Variants in CACNA2D1 observed in about 807,000 individuals in gnomAD.
CACNA2D1 encodes voltage-dependent calcium channel subunit alpha-2/delta-1.
Under a neutral mutation model 171.5 loss-of-function variants are expected in CACNA2D1, and 53 were observed. The ratio of observed to expected loss-of-function variants is 0.31; its 90% CI spans 0.25 to 0.39. The LOEUF is 0.39. Ranked by LOEUF, CACNA2D1 falls within the 10% of genes least tolerant of loss-of-function variation. CACNA2D1 has a pLI of 1.00. For missense variants in CACNA2D1, 903 were observed against 1,299.8 expected (o/e 0.69, Z 4.69); for synonymous variants, 442 against 443.1 (o/e 1.00, Z 0.03).
intron 3 of CACNA2D1, among the ~76,000 whole-genome samples, chr7:82,185,477 G>A (rs536204444): frequency 0.34 from 22,606 of 66,332 alleles, 4,821 homozygotes; most frequent in East Asian, 0.48. Flanking sequence ...GAGAGGGGGG[G>A]AGGGGGAGGA....
intron 10 of CACNA2D1, among the ~76,000 whole-genome samples, chr7:82,049,387 T>G (rs1289352800): frequency 6.6e-6 from 1 of 152,138 alleles, no homozygotes; most frequent in Non-Finnish European, 1.5e-5. Context: ...AAGAAACAAA[T>G]GTCTACAAAA....
chr7:82,096,135 T>C (rs1409442951), intron 6 of CACNA2D1, among the ~76,000 whole-genome samples: 2 of 152,230 alleles, frequency 1.3e-5, no homozygotes, highest in Admixed American at 1.3e-4. Flanking sequence ...AGCACGAGAA[T>C]AGGCACACTT....
At chr7:82,171,702 T>A (rs1294711155) in intron 3 of CACNA2D1, among the ~76,000 whole-genome samples, 2 of 152,268 alleles carry the variant, frequency 1.3e-5, no homozygotes, top group Admixed American at 1.3e-4. Flanking sequence ...TAGTGCAGTG[T>A]TGAGTTTATT....
chr7:82,146,323 TGTGC>T (rs1793047524), intron 4 of CACNA2D1, among the ~76,000 whole-genome samples: 1 of 147,538 alleles, frequency 6.8e-6, no homozygotes, highest in South Asian at 2.1e-4. Flanking sequence ...TGTGTGTGTG[TGTGC>T]GTGTGTGTGT....
intron 1 of CACNA2D1, among the ~76,000 whole-genome samples, chr7:82,376,620 T>G (rs1411372029): frequency 6.6e-6 from 1 of 152,192 alleles, no homozygotes; most frequent in African/African-American, 2.4e-5. Context: ...TGTATATAAC[T>G]TTTAAAAATT....
At chr7:82,363,263 T>C (rs1311735245) in intron 1 of CACNA2D1, among the ~76,000 whole-genome samples, 1 of 116,992 alleles carries the variant, frequency 8.5e-6, no homozygotes, top group African/African-American at 3.8e-5. Context: ...TCTTTTTTTT[T>C]TTTTTTTTTT....
At chr7:82,196,699 T>C (rs1372046912) in intron 3 of CACNA2D1, among the ~76,000 whole-genome samples, 1 of 151,948 alleles carries the variant, frequency 6.6e-6, no homozygotes, top group Non-Finnish European at 1.5e-5. Flanking sequence ...AGAAGATTGT[T>C]AGACTTGAAC....
rs540474836 is a variant in CACNA2D1 at position 81,959,866 on chromosome 7, C to A, written c.2967-37G>T. 2.5e-6 allele frequency: 4 copies of A among 1,597,556 alleles called. No homozygotes were observed. In the African/African-American group the frequency reaches 4.0e-5, roughly 16 times the overall value. On this transcript the variant is annotated intron_variant, in intron 36 of 38. Coordinates refer to ENST00000356860, the MANE Select transcript of CACNA2D1 (RefSeq NM_000722.4). The stretch of plus-strand genomic sequence containing the variant: ...ATATGGTATCATAGAAAATGAGTAT[C>A]TTTTCCAAAATAAATGGAAATCTTT...
At chr7:82,285,298 CAT>C (rs1810618231) in intron 3 of CACNA2D1, among the ~76,000 whole-genome samples, 1 of 146,202 alleles carries the variant, frequency 6.8e-6, no homozygotes, top group Non-Finnish European at 1.6e-5. Flanking sequence ...CTCTCATGGT[CAT>C]ATCTTTCCTC....
At chr7:82,122,694 C>T (rs534902016) in intron 5 of CACNA2D1, among the ~76,000 whole-genome samples, 2 of 152,154 alleles carry the variant, frequency 1.3e-5, no homozygotes, top group African/African-American at 4.8e-5. Context: ...ATCTTCTGCT[C>T]AAGGATTGTA....
chr7:82,151,424 A>G lies in CACNA2D1; in HGVS notation c.355-14748T>C, dbSNP rs148490927. Among the ~76,000 whole-genome samples the G allele has an allele frequency of 3.1e-3, 476 of 152,258 alleles. 3 individuals are homozygous for G. Among genetic ancestry groups the G allele is most frequent in the African/African-American group, 0.011 (456 of 41,574 alleles). Reference sequence around the variant, plus strand: ...CTGAATGTCAAATTTAAAAATCTACATTCTTTTCCTTGGTGCAATTCTTAG... The same window carrying G: ...CTGAATGTCAAATTTAAAAATCTACGTTCTTTTCCTTGGTGCAATTCTTAG... On this transcript the variant is annotated intron_variant, in intron 4 of 38. Coordinates refer to ENST00000356860, the MANE Select transcript of CACNA2D1 (RefSeq NM_000722.4).
intron 3 of CACNA2D1, among the ~76,000 whole-genome samples, chr7:82,265,416 CTTTTTTT>C (rs765047961): frequency 5.0e-4 from 39 of 77,298 alleles, no homozygotes; most frequent in African/African-American, 1.2e-3. Context: ...TTTTTCCTTT[CTTTTTTT>C]TTTTTTTTTT....
intron 26 of CACNA2D1, chr7:81,971,028 T>G (rs974667931): frequency 1.1e-4 from 37 of 345,526 alleles, no homozygotes; most frequent in Non-Finnish European, 1.8e-4. Flanking sequence ...AATGTATACA[T>G]AAGGGAAAGC....
chr7:81,983,461 T>A, intron 22 of CACNA2D1, 127 bp from the exon 23 acceptor site: 1 of 747,612 alleles, frequency 1.3e-6, no homozygotes, highest in South Asian at 1.5e-5. Context: ...AGATCAAAGG[T>A]TCATTTATGT....
intron 3 of CACNA2D1, among the ~76,000 whole-genome samples, chr7:82,270,946 A>T (rs1208011162): frequency 6.6e-6 from 1 of 152,074 alleles, no homozygotes; most frequent in African/African-American, 2.4e-5. Context: ...TTAACTACAA[A>T]CTACTTCTTT....
chr7:81,964,049 G>A lies in CACNA2D1; in HGVS notation c.2780+7C>T. The A allele has an allele frequency of 2.5e-6, 4 of 1,609,890 alleles. No homozygotes were observed. Among genetic ancestry groups the A allele is most frequent in the Non-Finnish European group, 3.4e-6 (4 of 1,177,260 alleles). ...TCATTACCAATAAAACTAAAATTTT[G>A]ACTTACCAGGCAGCAGCAGTGGCCC... On this transcript the variant is annotated splice_region_variant and intron_variant, in intron 34 of 38. Transcript: ENST00000356860.
intron 3 of CACNA2D1, among the ~76,000 whole-genome samples, chr7:82,255,831 T>C (rs1487876049): frequency 6.6e-6 from 1 of 152,244 alleles, no homozygotes; most frequent in Admixed American, 6.5e-5. Flanking sequence ...TACAGCTTAC[T>C]ACTTTCATGC....
chr7:81,964,593 T>G (rs1794502644), intron 32 of CACNA2D1, among the ~76,000 whole-genome samples: 1 of 151,906 alleles, frequency 6.6e-6, no homozygotes, highest in African/African-American at 2.4e-5. Context: ...GTGGAAAGAA[T>G]GGACACACAT....
chr7:82,217,420 T>C lies in CACNA2D1; in HGVS notation c.295-46811A>G, dbSNP rs1429057103. ...ATATATATATATATATATATATATA[T>C]ATATATCAGGAAAACGACTATGTCT... On this transcript the variant is annotated intron_variant, in intron 3 of 38. Transcript: ENST00000356860. Among the ~76,000 whole-genome samples the C allele has an allele frequency of 7.0e-5, 7 of 100,592 alleles. No homozygotes were observed. In the East Asian group the frequency reaches 2.2e-3, roughly 32 times the overall value. The allele number at this position is 100,592 out of a possible 152,430, so 66.0% of individuals were successfully genotyped here.
Sources: allele counts gnomAD v4.1 joint callset (sites outside exome capture counted in the v4.1 genomes callset), GRCh38; gene constraint gnomAD v4.1.1; transcripts MANE v1.5; gene names NCBI Gene and HGNC (gene_info 2026-07-23, HGNC 2026-07-21).